EFCAB6: variants seen among roughly 807,000 people sequenced by gnomAD.
The protein encoded by EFCAB6 is EF-hand calcium binding domain 6.
Under a neutral mutation model 169.8 loss-of-function variants are expected in EFCAB6, and 156 were observed. That is an observed-to-expected ratio of 0.92 (90% CI 0.81 to 1.05). The LOEUF is 1.05. EFCAB6 is among the 50% of genes least tolerant of loss of function. The probability of loss-of-function intolerance (pLI) is 0.00; values close to 1 mark genes in which losing one functional copy is unlikely to be tolerated. For synonymous variants in EFCAB6, 698 were observed against 676.4 expected, an observed-to-expected ratio of 1.03 and a Z score of -0.50; for missense variants, 1,800 against 1,829.1, an observed-to-expected ratio of 0.98 and a Z score of 0.29.
intron 24 of EFCAB6, among the ~76,000 whole-genome samples, chr22:43,583,731 G>A (rs1215962986): frequency 6.6e-6 from 1 of 152,128 alleles, no homozygotes; most frequent in East Asian, 1.9e-4. Context: ...AGGTTACAGT[G>A]AAAAGACAGA....
chr22:43,757,521 C>G (rs1034520255), intron 5 of EFCAB6, among the ~76,000 whole-genome samples: 1 of 152,022 alleles, frequency 6.6e-6, no homozygotes, highest in Non-Finnish European at 1.5e-5. Context: ...CACTCCAACC[C>G]GGACAACAAC....
chr22:43,686,823 C>A (rs2058214131), intron 11 of EFCAB6, among the ~76,000 whole-genome samples: 1 of 152,038 alleles, frequency 6.6e-6, no homozygotes, highest in Admixed American at 6.6e-5. Context: ...TCATAGAGGG[C>A]AATGAATACA....
rs779937864 is a variant in EFCAB6, at chr22:43,589,997, T to C, written c.3032+77A>G. On this transcript the variant is annotated intron_variant, in intron 24 of 31. Transcript: ENST00000262726. Reference sequence around the variant, plus strand: ...TCTCAGAAGGCTGTTTGGGCGGACATACAGAAGAAACAAAGGCAATTCTCC... The same window carrying C: ...TCTCAGAAGGCTGTTTGGGCGGACACACAGAAGAAACAAAGGCAATTCTCC... 1.7e-5 allele frequency: 26 copies of C among 1,544,472 alleles called. 1 individual carries two copies. Among genetic ancestry groups the C allele is most frequent in the Non-Finnish European group, 2.3e-5 (26 of 1,143,548 alleles).
At chr22:43,631,274 G>A (rs578261950) in intron 19 of EFCAB6, among the ~76,000 whole-genome samples, 22 of 151,862 alleles carry the variant, frequency 1.4e-4, no homozygotes, top group African/African-American at 4.8e-4. Context: ...TGACTTGATC[G>A]CCCTAACTTT....
intron 21 of EFCAB6, among the ~76,000 whole-genome samples, chr22:43,608,930 T>C (rs74756089): frequency 0.01 from 1,548 of 152,264 alleles, 27 homozygotes; most frequent in African/African-American, 0.036. Flanking sequence ...AGATGGAGGA[T>C]CCTCATCTCA....
At chr22:43,702,658 T>C (rs1017895459) in intron 10 of EFCAB6, among the ~76,000 whole-genome samples, 1 of 152,098 alleles carries the variant, frequency 6.6e-6, no homozygotes, top group African/African-American at 2.4e-5. Context: ...GGCTAGACCA[T>C]CTGGAGTCAG....
rs547863039 is a variant in EFCAB6, at chr22:43,667,351, A to G, written c.1815-79T>C. 18 of 1,513,752 alleles carry G rather than the reference A, an allele frequency of 1.2e-5. No individual in the cohort carries two copies. In the South Asian group the frequency reaches 1.9e-4, roughly 16 times the overall value. The allele number at this position is 1,513,752 out of a possible 1,614,324, so 93.8% of individuals were successfully genotyped here. A position where few individuals can be genotyped will look rare whatever the true frequency, so the allele number is the denominator to read the frequency against. ...CTTCCTCCAGACTGCACCCATTTCC[A>G]TGTAACCCATGACAGTAAGAAGGTT... On this transcript the variant is annotated intron_variant, in intron 16 of 31. Transcript: ENST00000262726.
In EFCAB6 at chr22:43,711,633, A is replaced by G; in HGVS notation, c.883-10T>C. On this transcript the variant is annotated splice_polypyrimidine_tract_variant and intron_variant, in intron 9 of 31. Transcript: ENST00000262726. Reference sequence around the variant, plus strand: ...CATAAGACTTCGAAAGCTGCAATAAATTGAAATTAGAGTGTGGCGTTCATA... The same window carrying G: ...CATAAGACTTCGAAAGCTGCAATAAGTTGAAATTAGAGTGTGGCGTTCATA... The G allele has an allele frequency of 6.3e-7, 1 of 1,576,590 alleles. No homozygotes were observed. The highest frequency in any genetic ancestry group is 1.4e-5 in the African/African-American group (1 of 72,218).
intron 17 of EFCAB6, among the ~76,000 whole-genome samples, chr22:43,644,917 TAA>T (rs2056057187): frequency 6.6e-6 from 1 of 152,250 alleles, no homozygotes; most frequent in African/African-American, 2.4e-5. Context: ...AATTGCAATT[TAA>T]AGAGTGTTCC....
intron 20 of EFCAB6, among the ~76,000 whole-genome samples, chr22:43,623,095 A>T (rs2054217709): frequency 6.6e-6 from 1 of 152,240 alleles, no homozygotes; most frequent in Non-Finnish European, 1.5e-5. Context: ...GATGATGGTG[A>T]CACTGATCGT....
intron 24 of EFCAB6, among the ~76,000 whole-genome samples, chr22:43,582,098 T>A (rs1167768313): frequency 6.6e-6 from 1 of 152,186 alleles, no homozygotes; most frequent in Non-Finnish European, 1.5e-5. Flanking sequence ...CATTGAAAGG[T>A]GGGCTTCAGA....
At chr22:43,534,551 G>T in intron 30 of EFCAB6, 137 bp downstream of exon 30, 1 of 760,112 alleles carries the variant, frequency 1.3e-6, no homozygotes. Flanking sequence ...ACCTAAGCTG[G>T]GAGTTTGAGG....
intron 27 of EFCAB6, among the ~76,000 whole-genome samples, chr22:43,547,063 G>A (rs867126140): frequency 6.6e-6 from 1 of 151,930 alleles, no homozygotes; most frequent in African/African-American, 2.4e-5. Flanking sequence ...GTAAAGAAGG[G>A]GACACCAAAT....
In EFCAB6 at chr22:43,795,755, G is replaced by A. The variant is rs2062482891; in HGVS notation, c.-8+13240C>T. Among the ~76,000 whole-genome samples, 1 of 151,802 alleles carries A rather than the reference G, an allele frequency of 6.6e-6. No individual in the cohort carries two copies. The highest frequency in any genetic ancestry group is 6.6e-5 in the Admixed American group (1 of 15,206). ...CCGAAGTACTCAGCACGTAACTGCT[G>A]CTCCAAATTACTGACAAATAAATGG... On this transcript the variant is annotated intron_variant, in intron 2 of 31. Transcript: ENST00000262726. This position sits in a 1 kb window ranked among gnomAD's most constrained non-coding sequence, Gnocchi z 4.2.
chr22:43,689,017 C>T (rs1756182471), intron 10 of EFCAB6, among the ~76,000 whole-genome samples: 3 of 152,060 alleles, frequency 2.0e-5, no homozygotes, highest in Admixed American at 1.3e-4. Context: ...TTTTGGTATG[C>T]TTGAGTCCCA....
At chr22:43,573,959 A>G (rs955643783) in intron 26 of EFCAB6, among the ~76,000 whole-genome samples, 2 of 152,162 alleles carry the variant, frequency 1.3e-5, no homozygotes, top group African/African-American at 4.8e-5. Context: ...GTCCAACCCA[A>G]TAGGACAGAA....
chr22:43,583,057 C>T (rs2050833393), intron 24 of EFCAB6, among the ~76,000 whole-genome samples: 1 of 151,996 alleles, frequency 6.6e-6, no homozygotes, highest in Admixed American at 6.6e-5. Context: ...AAAATACCTA[C>T]TAACTGACCA....
At chr22:43,616,017 G>A in intron 20 of EFCAB6, 95 bp from the exon 21 acceptor site, 1 of 991,280 alleles carries the variant, frequency 1.0e-6, no homozygotes, top group Non-Finnish European at 1.5e-6. Flanking sequence ...TTGTTTCAAG[G>A]ATACCATTAA....
At chr22:43,645,864 C>A (rs79094775) in intron 17 of EFCAB6, among the ~76,000 whole-genome samples, 7,009 of 149,726 alleles carry the variant, frequency 0.047, 188 homozygotes, top group African/African-American at 0.054. Flanking sequence ...AAAAAAAAAA[C>A]AAAAACAAAA....
Sources: gnomAD v4.1 joint callset for allele counts (sites outside exome capture counted in the v4.1 genomes callset) on GRCh38, gnomAD v4.1.1 for gene constraint, Gnocchi (gnomAD v3.1) non-coding constraint, MANE v1.5 for transcripts, NCBI Gene and HGNC (gene_info 2026-07-23, HGNC 2026-07-21) for gene names.